The following YEATS2 variants were observed in gnomAD, a reference collection of about 807,000 sequenced individuals.
YEATS2 encodes the protein YEATS domain-containing protein 2.
Under a neutral mutation model 163.2 loss-of-function variants are expected in YEATS2, and 77 were observed. That is an observed-to-expected ratio of 0.47 (90% confidence interval 0.39 to 0.57). YEATS2 has a LOEUF of 0.57. YEATS2 is among the 20% of genes least tolerant of loss of function. The probability of loss-of-function intolerance (pLI) is 0.00; values close to 1 mark genes in which losing one functional copy is unlikely to be tolerated. For synonymous variants in YEATS2, 631 were observed against 645.1 expected, an observed-to-expected ratio of 0.98 and a Z score of 0.33; for missense variants, 1,549 against 1,729.8, an observed-to-expected ratio of 0.90 and a Z score of 1.85.
In YEATS2 at chr3:183,722,043, C is replaced by G. The variant is rs1716550954; in HGVS notation, c.444C>G (p.Asp148Glu). The G allele has an allele frequency of 1.2e-6, 2 of 1,614,052 alleles. No individual in the cohort carries two copies. The highest frequency in any genetic ancestry group is 1.7e-6 in the Non-Finnish European group (2 of 1,180,028). ...GTGATTCTTTATCTCAGCACAATGA[C>G]TTCTTATCTGACAAAGATAATAACA... ...SESDSLSQHNDFLSDKDNNSN... is the reference protein window; with the variant it reads ...SESDSLSQHNEFLSDKDNNSN... Residue 148 changes from aspartate to glutamate, a missense_variant, in exon 5 of 31, where the codon GAC (aspartate) becomes GAG (glutamate). Physicochemically the swap from Asp to Glu is conservative, Grantham distance 45. Coordinates refer to ENST00000305135, the MANE Select transcript of YEATS2 (RefSeq NM_018023.5).
At chr3:183,785,206 G>T (rs1232379475) in intron 19 of YEATS2, among the ~76,000 whole-genome samples, 1 of 151,774 alleles carries the variant, frequency 6.6e-6, no homozygotes, top group East Asian at 1.9e-4. Flanking sequence ...CAGGTGTTTG[G>T]CCGGGTGCGG....
intron 12 of YEATS2, among the ~76,000 whole-genome samples, chr3:183,758,446 A>G (rs1720992495): frequency 6.6e-6 from 1 of 152,240 alleles, no homozygotes; most frequent in Non-Finnish European, 1.5e-5. Flanking sequence ...GAATGCATAT[A>G]TTCTGGCACA....
chr3:183,759,779 G>A (rs915450398), intron 13 of YEATS2, among the ~76,000 whole-genome samples: 3 of 152,352 alleles, frequency 2.0e-5, no homozygotes, highest in Admixed American at 2.0e-4. Flanking sequence ...ACCATACGGT[G>A]AAAGTGTGGG....
chr3:183,722,797 C>T (rs1203609388), intron 5 of YEATS2, among the ~76,000 whole-genome samples: 1 of 152,108 alleles, frequency 6.6e-6, no homozygotes, highest in Non-Finnish European at 1.5e-5. Flanking sequence ...GGATTAGAGG[C>T]ATGTGCTACC....
chr3:183,707,617 A>T (rs1714744177), intron 1 of YEATS2, among the ~76,000 whole-genome samples: 1 of 151,642 alleles, frequency 6.6e-6, no homozygotes, highest in Non-Finnish European at 1.5e-5. Flanking sequence ...TCAGCATCTT[A>T]GGAATGCCTG....
chr3:183,798,157 C>CA lies in YEATS2; in HGVS notation c.3226+107dup, dbSNP rs1024708061. 11 of 1,505,540 alleles carry CA rather than the reference C, an allele frequency of 7.3e-6. No homozygotes were observed. The African/African-American group carries it at 1.2e-4, about 17-fold the overall frequency. 93.3% of individuals were successfully genotyped at this position (1,505,540 alleles called of 1,614,324 possible). A position where few individuals can be genotyped will look rare whatever the true frequency, so the allele number is the denominator to read the frequency against. On this transcript the variant is annotated intron_variant, in intron 22 of 30. Coordinates refer to ENST00000305135, the MANE Select transcript of YEATS2 (RefSeq NM_018023.5). Reference sequence around the variant, plus strand: ...CTGTGTACAGCCACCCTTCAGCTGTCACGGTATTCCCAGCGCCTGTGTACA... The same window carrying CA: ...CTGTGTACAGCCACCCTTCAGCTGTCAACGGTATTCCCAGCGCCTGTGTACA...
At chr3:183,724,592 AC>A in intron 6 of YEATS2, 61 bp downstream of exon 6, 1 of 1,260,994 alleles carries the variant, frequency 7.9e-7, no homozygotes, top group South Asian at 1.3e-5. Context: ...TGGCATTAAT[AC>A]TCTTACAGTG....
At chr3:183,716,579 A>G (rs1034075173) in intron 2 of YEATS2, among the ~76,000 whole-genome samples, 2 of 152,210 alleles carry the variant, frequency 1.3e-5, no homozygotes, top group African/African-American at 2.4e-5. Flanking sequence ...TTTCCTTTCA[A>G]TTACAAGCCA....
intron 19 of YEATS2, among the ~76,000 whole-genome samples, chr3:183,782,615 G>A (rs1039993208): frequency 1.3e-5 from 2 of 151,712 alleles, no homozygotes; most frequent in Admixed American, 6.6e-5. Context: ...GTAGAGACAG[G>A]GTTTCACCAT....
chr3:183,707,174 A>G (rs1714701686), intron 1 of YEATS2, among the ~76,000 whole-genome samples: 2 of 152,204 alleles, frequency 1.3e-5, no homozygotes, highest in Admixed American at 1.3e-4. Flanking sequence ...TGGGTAAGGA[A>G]TACTCAACCT....
rs375251295 is a variant in YEATS2 at position 183,724,444 on chromosome 3, A to T, written c.563A>T (p.His188Leu). Residue 188 changes from histidine to leucine, a missense_variant, in exon 6 of 31, where the codon CAT becomes CTT. Transcript: ENST00000305135. ...GRDTSRITGS[H>L]KTEQRNADLT... ...GATACTTCTAGAATTACTGGCTCCC[A>T]TAAAACAGAACAGCGGAATGCTGAT... 204 of 1,613,188 alleles carry T rather than the reference A, an allele frequency of 1.3e-4. No individual in the cohort carries two copies. The highest frequency in any genetic ancestry group is 1.7e-4 in the Non-Finnish European group (200 of 1,179,746).
chr3:183,710,643 C>G (rs1223336675), intron 1 of YEATS2, among the ~76,000 whole-genome samples: 2 of 151,442 alleles, frequency 1.3e-5, no homozygotes, highest in Admixed American at 1.3e-4. Context: ...TCCCCAAATT[C>G]CTCTCTTTTC....
intron 19 of YEATS2, among the ~76,000 whole-genome samples, chr3:183,780,108 A>G (rs2108431092): frequency 6.6e-6 from 1 of 152,166 alleles, no homozygotes; most frequent in South Asian, 2.1e-4. Context: ...AACTTGAAGA[A>G]ACTTCCACTT....
intron 19 of YEATS2, 56 bp downstream of exon 19, chr3:183,777,756 A>AT: frequency 1.3e-6 from 2 of 1,558,504 alleles, no homozygotes; most frequent in South Asian, 2.4e-5. Context: ...ATTTATTTAC[A>AT]TATTTACATG....
In YEATS2 at chr3:183,762,083, A is replaced by G; in HGVS notation, c.1765-14A>G. The G allele has an allele frequency of 2.5e-6, 4 of 1,614,064 alleles. No individual in the cohort carries two copies. In the African/African-American group the frequency reaches 4.0e-5, roughly 16 times the overall value. ...TTATGGATGTTTATTCAGTGTCATT[A>G]TGTTTGTTGCAAGGTGATCATCAAA... On this transcript the variant is annotated splice_polypyrimidine_tract_variant and intron_variant, in intron 14 of 30. Transcript: ENST00000305135.
intron 19 of YEATS2, among the ~76,000 whole-genome samples, chr3:183,784,409 A>G (rs901219674): frequency 6.6e-6 from 1 of 152,138 alleles, no homozygotes; most frequent in South Asian, 2.1e-4. Context: ...ATGTCTGTTC[A>G]TGTCTTTTGC....
intron 21 of YEATS2, among the ~76,000 whole-genome samples, chr3:183,796,429 T>C (rs1725162950): frequency 6.6e-6 from 1 of 151,666 alleles, no homozygotes; most frequent in Non-Finnish European, 1.5e-5. Flanking sequence ...GAAATGGGAA[T>C]ATAGAAATCA....
chr3:183,774,482 C>T (rs2108395982), intron 17 of YEATS2, among the ~76,000 whole-genome samples: 1 of 152,236 alleles, frequency 6.6e-6, no homozygotes, highest in African/African-American at 2.4e-5. Flanking sequence ...TCCCTGGTGC[C>T]ACAAAGCTTG....
intron 8 of YEATS2, among the ~76,000 whole-genome samples, chr3:183,743,933 T>C (rs1252635260): frequency 6.6e-6 from 1 of 152,076 alleles, no homozygotes; most frequent in Non-Finnish European, 1.5e-5. Flanking sequence ...CCATTGGTGA[T>C]AGGTGGGACT....
Sources: gnomAD v4.1 joint callset for allele counts (sites outside exome capture counted in the v4.1 genomes callset) on GRCh38, gnomAD v4.1.1 for gene constraint, MANE v1.5 for transcripts, NCBI Gene and HGNC (gene_info 2026-07-23, HGNC 2026-07-21) for gene names.